The following LRP1B variants were observed in gnomAD, a reference collection of about 807,000 sequenced individuals.
LRP1B encodes the protein low-density lipoprotein receptor-related protein 1B.
Under a neutral mutation model 556.6 loss-of-function variants are expected in LRP1B, and 217 were observed. The observed-to-expected ratio is 0.39, with a 90% CI of 0.35 to 0.44. The LOEUF (loss-of-function observed/expected upper bound fraction) is 0.44. Among genes scored for constraint, LRP1B ranks in the 20% least tolerant of loss-of-function variants. The probability of loss-of-function intolerance (pLI) is 1.00; values close to 1 mark genes in which losing one functional copy is unlikely to be tolerated. For synonymous variants in LRP1B, 2,047 were observed against 1,865.8 expected, an observed-to-expected ratio of 1.10 and a Z score of -2.50; for missense variants, 5,053 against 5,620.8, an observed-to-expected ratio of 0.90 and a Z score of 3.23.
At chr2:140,335,513 A>AT in intron 78 of LRP1B, 102 bp downstream of exon 78, 1 of 731,822 alleles carries the variant, frequency 1.4e-6, no homozygotes, top group Non-Finnish European at 2.5e-6. Flanking sequence ...ATGTGACACT[A>AT]TTACACATTG....
At chr2:140,858,402 TTATGTATG>T (rs1001096774) in intron 27 of LRP1B, among the ~76,000 whole-genome samples, 2 of 151,068 alleles carry the variant, frequency 1.3e-5, no homozygotes, top group African/African-American at 2.4e-5. Context: ...ATACAATGTA[TTATGTATG>T]TATGTATGTA....
At chr2:142,001,580 A>C (rs1702656329) in intron 1 of LRP1B, among the ~76,000 whole-genome samples, 1 of 152,184 alleles carries the variant, frequency 6.6e-6, no homozygotes, top group Non-Finnish European at 1.5e-5. Context: ...AATGGAGACA[A>C]AAATGGTGAA....
intron 5 of LRP1B, among the ~76,000 whole-genome samples, chr2:141,234,187 T>C (rs1683572938): frequency 6.6e-6 from 1 of 151,808 alleles, no homozygotes; most frequent in African/African-American, 2.4e-5. Flanking sequence ...TTTTTTCAGA[T>C]TTACTCTTAT....
intron 27 of LRP1B, among the ~76,000 whole-genome samples, chr2:140,864,735 G>A (rs1016243202): frequency 4.0e-5 from 6 of 151,806 alleles, no homozygotes; most frequent in African/African-American, 7.3e-5. Context: ...AGATGGCTTC[G>A]TGAATTATAT....
intron 1 of LRP1B, among the ~76,000 whole-genome samples, chr2:141,995,081 A>T (rs1016547106): frequency 6.6e-6 from 1 of 152,164 alleles, no homozygotes; most frequent in African/African-American, 2.4e-5. Flanking sequence ...AATGAAAATA[A>T]TAATTTATAT....
At chr2:141,576,099 A>C (rs934041482) in intron 2 of LRP1B, among the ~76,000 whole-genome samples, 1 of 152,224 alleles carries the variant, frequency 6.6e-6, no homozygotes, top group African/African-American at 2.4e-5. Flanking sequence ...CTGGGTGTAT[A>C]CCCAAAGGAA....
At chr2:141,471,002 G>T (rs772302758) in intron 3 of LRP1B, among the ~76,000 whole-genome samples, 1 of 151,952 alleles carries the variant, frequency 6.6e-6, no homozygotes, top group East Asian at 1.9e-4. Flanking sequence ...TCATGTTGTC[G>T]ATTTTGACTT....
At chr2:141,328,140 AATCT>A (rs1263651177) in intron 3 of LRP1B, among the ~76,000 whole-genome samples, 1 of 152,186 alleles carries the variant, frequency 6.6e-6, no homozygotes, top group Non-Finnish European at 1.5e-5. Flanking sequence ...ATCTATCTGT[AATCT>A]ATCTACCTAC....
chr2:141,348,448 A>G (rs1486882415), intron 3 of LRP1B, among the ~76,000 whole-genome samples: 1 of 152,008 alleles, frequency 6.6e-6, no homozygotes, highest in African/African-American at 2.4e-5. Flanking sequence ...GTCAAATATT[A>G]ATAGGTATTA....
chr2:141,783,175 A>G (rs1219414407), intron 2 of LRP1B, among the ~76,000 whole-genome samples: 1 of 152,106 alleles, frequency 6.6e-6, no homozygotes, highest in Non-Finnish European at 1.5e-5. Flanking sequence ...TACTGCACAG[A>G]TAATTTACCG....
chr2:141,522,923 T>G (rs1034337602), intron 2 of LRP1B, among the ~76,000 whole-genome samples: 5 of 152,132 alleles, frequency 3.3e-5, no homozygotes, highest in Non-Finnish European at 5.9e-5. Flanking sequence ...ACTAATGACA[T>G]AGACAGATCC....
intron 15 of LRP1B, among the ~76,000 whole-genome samples, chr2:141,002,535 C>T (rs1227949922): frequency 6.6e-6 from 1 of 151,990 alleles, no homozygotes; most frequent in Non-Finnish European, 1.5e-5. Flanking sequence ...CTACACATAT[C>T]CTTTCATATA....
intron 7 of LRP1B, among the ~76,000 whole-genome samples, chr2:141,114,368 GTCAC>G (rs778715618): frequency 8.5e-5 from 13 of 152,198 alleles, no homozygotes; most frequent in Non-Finnish European, 1.6e-4. Flanking sequence ...GAAGAATCAG[GTCAC>G]TCAGACTTAG....
At chr2:142,102,139 G>A (rs972019820) in intron 1 of LRP1B, among the ~76,000 whole-genome samples, 4 of 151,938 alleles carry the variant, frequency 2.6e-5, no homozygotes, top group Non-Finnish European at 4.4e-5. Flanking sequence ...TCTCTGCAGT[G>A]CTTTAACACT....
At chr2:141,260,506 T>A (rs1435229749) in intron 3 of LRP1B, among the ~76,000 whole-genome samples, 1 of 129,228 alleles carries the variant, frequency 7.7e-6, no homozygotes, top group East Asian at 2.3e-4. Context: ...GTTGGCAGTT[T>A]CCAAACATTA....
At position 140,592,935 on chromosome 2, in the gene LRP1B, G is replaced by GACACAC. The variant is rs10594387; in HGVS notation, c.7194+5690_7194+5695dup. Among the ~76,000 whole-genome samples the GACACAC allele has an allele frequency of 1.8e-3, 267 of 149,002 alleles. 2 individuals carry two copies. Among genetic ancestry groups the GACACAC allele is most frequent in the East Asian group, 9.9e-3 (49 of 4,974 alleles). On this transcript the variant is annotated intron_variant, in intron 43 of 90. Transcript: ENST00000389484. ...AGCCTGGATGACAAAGTGAGATCCT[G>GACACAC]ACACACACACACACACACACACACA...
At chr2:141,985,418 T>C (rs1702159252) in intron 1 of LRP1B, among the ~76,000 whole-genome samples, 1 of 152,146 alleles carries the variant, frequency 6.6e-6, no homozygotes, top group South Asian at 2.1e-4. Context: ...AATGGTAATA[T>C]GATTTCAACA....
chr2:140,894,936 C>CT (rs1693906614), intron 23 of LRP1B, among the ~76,000 whole-genome samples: 1 of 143,952 alleles, frequency 6.9e-6, no homozygotes, highest in African/African-American at 2.6e-5. Context: ...GAATGAGACT[C>CT]TGCCTCAAAA....
intron 3 of LRP1B, among the ~76,000 whole-genome samples, chr2:141,462,849 A>T (rs1003526109): frequency 3.9e-5 from 6 of 152,216 alleles, no homozygotes; most frequent in Non-Finnish European, 2.9e-5. Context: ...TAAATAAGTA[A>T]TAAAATTTAA....
Sources: gnomAD v4.1 joint callset for allele counts (sites outside exome capture counted in the v4.1 genomes callset) on GRCh38, gnomAD v4.1.1 for gene constraint, MANE v1.5 for transcripts, NCBI Gene and HGNC (gene_info 2026-07-23, HGNC 2026-07-21) for gene names.